Variants in NR3C1 observed in about 807,000 individuals in gnomAD.
NR3C1 encodes glucocorticoid receptor.
NR3C1 carries 14 observed loss-of-function variants against 74.0 expected under a neutral mutation model. The observed-to-expected ratio is 0.19, with a 90% confidence interval of 0.12 to 0.30. The LOEUF (loss-of-function observed/expected upper bound fraction) is 0.30. NR3C1 is among the 10% of genes least tolerant of loss of function. The pLI is 1.00. For synonymous variants in NR3C1, 308 were observed against 332.5 expected, an observed-to-expected ratio of 0.93 and a Z score of 0.80; for missense variants, 695 against 909.8, an observed-to-expected ratio of 0.76 and a Z score of 3.04.
chr5:143,405,130 G>A, upstream of NR3C1: 1 of 985,622 alleles, frequency 1.0e-6, no homozygotes, highest in Non-Finnish European at 1.2e-6. Context: ...CTTGGACGAT[G>A]CCGGGACCGA....
At chr5:143,357,254 T>G (rs1357563519) in intron 2 of NR3C1, among the ~76,000 whole-genome samples, 1 of 142,310 alleles carries the variant, frequency 7.0e-6, no homozygotes, top group Non-Finnish European at 1.5e-5. Flanking sequence ...CAAATTTAGA[T>G]TGATACTTTA....
upstream of NR3C1, among the ~76,000 whole-genome samples, chr5:143,405,884 G>C (rs1841082173): frequency 6.6e-6 from 1 of 152,048 alleles, no homozygotes; most frequent in South Asian, 2.1e-4. Flanking sequence ...GCTTGACCTA[G>C]TTGCCCGTTT....
chr5:143,340,411 A>T lies in NR3C1; in HGVS notation c.1185-26243T>A, dbSNP rs140977699. ...CTAAAATTTATAGGGAATACAAAGG[A>T]CCTGGAAGAACCTTAGACTTTGGCC... On this transcript the variant is annotated intron_variant, in intron 2 of 8. Transcript: ENST00000394464. 4.2e-4 allele frequency among the ~76,000 whole-genome samples: 63 copies of T among 151,254 alleles called. No homozygotes were observed. The East Asian group carries it at 9.1e-3, about 22-fold the overall frequency.
At chr5:143,319,443 G>A (rs1384369783) in intron 2 of NR3C1, among the ~76,000 whole-genome samples, 1 of 152,144 alleles carries the variant, frequency 6.6e-6, no homozygotes, top group East Asian at 1.9e-4. Context: ...GAAAGCAAGT[G>A]TTAATATGGA....
At chr5:143,309,963 CATT>C (rs1160089230) in intron 4 of NR3C1, 131 bp downstream of exon 4, 6 of 711,908 alleles carry the variant, frequency 8.4e-6, no homozygotes, top group African/African-American at 3.5e-5. Flanking sequence ...TGGGCAGTAA[CATT>C]ATGCTAGTCA....
chr5:143,320,104 C>T (rs1213533974), intron 2 of NR3C1, among the ~76,000 whole-genome samples: 1 of 152,174 alleles, frequency 6.6e-6, no homozygotes, highest in East Asian at 1.9e-4. Flanking sequence ...GCTGCACACA[C>T]CAGGTGATTA....
chr5:143,318,807 G>T (rs1298703670), intron 2 of NR3C1, among the ~76,000 whole-genome samples: 3 of 152,132 alleles, frequency 2.0e-5, no homozygotes, highest in Non-Finnish European at 4.4e-5. Flanking sequence ...GATATAAGTG[G>T]ATTATGCACC....
chr5:143,403,870 C>T, upstream of NR3C1: 1 of 977,566 alleles, frequency 1.0e-6, no homozygotes, highest in Non-Finnish European at 1.2e-6. Context: ...CCGGCCCCGA[C>T]GGCGCCTGCA....
upstream of NR3C1, chr5:143,406,898 T>A (rs979985003): frequency 2.0e-5 from 3 of 152,226 alleles, no homozygotes; most frequent in South Asian, 2.1e-4. Flanking sequence ...GATTTAGCAT[T>A]ATAATAATAA....
rs145511745 is a variant in NR3C1 at position 143,334,521 on chromosome 5, G to T, written c.1185-20353C>A. On this transcript the variant is annotated intron_variant, in intron 2 of 8. Coordinates refer to ENST00000394464, the MANE Select transcript of NR3C1 (RefSeq NM_000176.3). ...CACATTCCATGGAGGAAGGAGTCCT[G>T]CTTTGTTGCATGTATCCTAGGGTTT... 1.0e-3 allele frequency among the ~76,000 whole-genome samples: 156 copies of T among 152,258 alleles called. 3 individuals carry two copies. In the East Asian group the frequency reaches 0.022, roughly 22 times the overall value.
At chr5:143,355,362 T>G (rs1191566095) in intron 2 of NR3C1, among the ~76,000 whole-genome samples, 1 of 152,114 alleles carries the variant, frequency 6.6e-6, no homozygotes, top group Non-Finnish European at 1.5e-5. Flanking sequence ...TACTTGATAC[T>G]TAGCCACTTG....
intron 2 of NR3C1, chr5:143,332,576 A>C: frequency 2.1e-6 from 2 of 948,708 alleles, no homozygotes; most frequent in Non-Finnish European, 1.6e-6. Context: ...AATTAAAAAA[A>C]GAATTGAGTA....
At chr5:143,383,352 C>A (rs1836592219) in intron 2 of NR3C1, among the ~76,000 whole-genome samples, 1 of 152,190 alleles carries the variant, frequency 6.6e-6, no homozygotes, top group Non-Finnish European at 1.5e-5. Flanking sequence ...CTCTGTGGTT[C>A]TTTGTTCAAA....
rs1423457011 is a variant in NR3C1 at position 143,400,144 on chromosome 5, G to A, written c.696C>T (p.Asp232=). The change falls in exon 2 of 9, where the codon GAC becomes GAT. Residue 232 remains aspartate (D), a synonymous_variant. Transcript: ENST00000394464. ...AGTTTCCTTCCAAAAGGAATGAATCGTCTTCTCCCGCCAGAGGAGAAAGCA... is the reference window on the plus strand; with the variant it reads ...AGTTTCCTTCCAAAAGGAATGAATCATCTTCTCCCGCCAGAGGAGAAAGCA... ...NCLLSPLAGE[D]DSFLLEGNSN... 1.2e-6 allele frequency: 2 copies of A among 1,614,170 alleles called. No homozygotes were observed. Among genetic ancestry groups the A allele is most frequent in the Non-Finnish European group, 1.7e-6 (2 of 1,180,026 alleles).
chr5:143,328,252 C>T (rs1825081083), intron 2 of NR3C1, among the ~76,000 whole-genome samples: 1 of 152,186 alleles, frequency 6.6e-6, no homozygotes, highest in Non-Finnish European at 1.5e-5. Context: ...GCTGGAGCAT[C>T]AGGGATGCAG....
At chr5:143,348,259 T>C (rs1420363399) in intron 2 of NR3C1, among the ~76,000 whole-genome samples, 1 of 152,194 alleles carries the variant, frequency 6.6e-6, no homozygotes, top group Non-Finnish European at 1.5e-5. Context: ...AACTATAAAC[T>C]ACAACACTCA....
chr5:143,385,642 A>G (rs763669369), intron 2 of NR3C1, among the ~76,000 whole-genome samples: 3 of 152,220 alleles, frequency 2.0e-5, no homozygotes, highest in Non-Finnish European at 4.4e-5. Flanking sequence ...CTGTCAGTCT[A>G]TTTGCTAAAG....
intron 2 of NR3C1, among the ~76,000 whole-genome samples, chr5:143,344,016 T>C (rs1040390564): frequency 3.3e-5 from 5 of 151,558 alleles, no homozygotes; most frequent in African/African-American, 1.2e-4. Context: ...CTGTCAGCTA[T>C]TTTTTTTTCT....
chr5:143,295,217 T>C (rs759835107), intron 7 of NR3C1: 1 of 985,412 alleles, frequency 1.0e-6, no homozygotes, highest in Non-Finnish European at 1.2e-6. Context: ...CACAGATTCT[T>C]ATCAACAGAG....
Sources: allele counts gnomAD v4.1 joint callset (sites outside exome capture counted in the v4.1 genomes callset), GRCh38; gene constraint gnomAD v4.1.1; transcripts MANE v1.5; gene names NCBI Gene and HGNC (gene_info 2026-07-23, HGNC 2026-07-21).